The following AADAT variants were observed in gnomAD, a reference collection of about 807,000 sequenced individuals.
AADAT encodes the protein aminoadipate aminotransferase.
Under a neutral mutation model 56.2 loss-of-function variants are expected in AADAT, and 25 were observed. The observed-to-expected ratio is 0.44, with a 90% CI of 0.32 to 0.62. AADAT has a LOEUF of 0.62. AADAT is among the 20% of genes least tolerant of loss of function. The pLI is 0.04. For missense variants in AADAT, 387 were observed against 510.5 expected, an observed-to-expected ratio of 0.76 and a Z score of 2.33; for synonymous variants, 173 against 164.7, an observed-to-expected ratio of 1.05 and a Z score of -0.39.
chr4:170,089,833 C>G lies in AADAT; in HGVS notation c.-143G>C. ...TGTCCCCCCGCTGCGTCTGGCTTCC[C>G]GCGCGCGGTGCCCGGAGAACGCCGC... is the stretch of plus-strand genomic sequence containing the variant. On this transcript the variant is annotated 5_prime_UTR_variant, in exon 1 of 13. Transcript: ENST00000337664. 1 of 810,458 alleles carries G rather than the reference C, an allele frequency of 1.2e-6. No individual in the cohort carries two copies. Among genetic ancestry groups the G allele is most frequent in the Non-Finnish European group, 2.0e-6 (1 of 504,068 alleles). The allele number at this position is 810,458 out of a possible 1,614,324, so 50.2% of individuals were successfully genotyped here.
intron 2 of AADAT, among the ~76,000 whole-genome samples, chr4:170,087,629 G>C (rs1216639919): frequency 2.0e-5 from 3 of 152,178 alleles, no homozygotes; most frequent in Admixed American, 6.5e-5. Context: ...TTGTATCATG[G>C]AATGTTTGAA....
At chr4:170,074,626 C>A (rs116476447) in intron 4 of AADAT, among the ~76,000 whole-genome samples, 1 of 151,898 alleles carries the variant, frequency 6.6e-6, no homozygotes, top group Non-Finnish European at 1.5e-5. Context: ...GGAATGGGGA[C>A]CTGTAGGCCC....
intron 11 of AADAT, 53 bp downstream of exon 11, chr4:170,064,662 TAAAG>T: frequency 7.3e-7 from 1 of 1,362,194 alleles, no homozygotes. Context: ...AGCAAAATAT[TAAAG>T]AAAAAGTATA....
intron 12 of AADAT, among the ~76,000 whole-genome samples, chr4:170,061,474 C>T (rs1731184735): frequency 6.6e-6 from 1 of 152,144 alleles, no homozygotes; most frequent in South Asian, 2.1e-4. Context: ...ACATACACAG[C>T]TTATTTTGGT....
chr4:170,091,304 TGGCGGGCCGGCACTCAGAGC>T (rs1462643474), upstream of AADAT, among the ~76,000 whole-genome samples: 4 of 151,882 alleles, frequency 2.6e-5, no homozygotes, highest in Admixed American at 1.3e-4. Flanking sequence ...GGCGTGGGCT[TGGCGGGCCGGCACTCAGAGC>T]GGCGGGCCGG....
At chr4:170,086,987 T>A in intron 3 of AADAT, 129 bp downstream of exon 3, 1 of 1,225,990 alleles carries the variant, frequency 8.2e-7, no homozygotes. Flanking sequence ...CTGTTTATAA[T>A]TCTAGGTGAA....
At chr4:170,069,851 A>G (rs1484847078) in intron 6 of AADAT, among the ~76,000 whole-genome samples, 3 of 152,154 alleles carry the variant, frequency 2.0e-5, no homozygotes, top group Non-Finnish European at 4.4e-5. Flanking sequence ...CAGTATATTT[A>G]AGGGCAAGCT....
upstream of AADAT, among the ~76,000 whole-genome samples, chr4:170,092,802 T>A (rs1451054284): frequency 6.6e-6 from 1 of 152,254 alleles, no homozygotes; most frequent in Non-Finnish European, 1.5e-5. Context: ...GTAAAAACGC[T>A]ATGAACATTG....
At chr4:170,072,223 ATGTG>A (rs960518213) in intron 5 of AADAT, among the ~76,000 whole-genome samples, 1 of 150,966 alleles carries the variant, frequency 6.6e-6, no homozygotes, top group Non-Finnish European at 1.5e-5. Flanking sequence ...GTGTGTGTGT[ATGTG>A]TGTGTGTGTA....
chr4:170,070,683 T>C (rs752849799), intron 5 of AADAT, 31 bp from the exon 6 acceptor site: 9 of 1,388,168 alleles, frequency 6.5e-6, no homozygotes, highest in African/African-American at 1.4e-5. Context: ...TGTTTATTTC[T>C]TAATCTATTT....
intron 3 of AADAT, among the ~76,000 whole-genome samples, chr4:170,084,396 G>T (rs983957706): frequency 6.6e-6 from 1 of 152,144 alleles, no homozygotes; most frequent in Non-Finnish European, 1.5e-5. Context: ...TGGATGGGGA[G>T]ATCAACGGAG....
chr4:170,060,649 C>G lies in AADAT; in HGVS notation c.*279G>C. 1 of 282,032 alleles carries G rather than the reference C, an allele frequency of 3.5e-6. No homozygotes were observed. Among genetic ancestry groups the G allele is most frequent in the Non-Finnish European group, 6.5e-6 (1 of 153,576 alleles). 17.5% of individuals were successfully genotyped at this position (282,032 alleles called of 1,614,324 possible). A position where few individuals can be genotyped will look rare whatever the true frequency, so the allele number is the denominator to read the frequency against. On this transcript the variant is annotated 3_prime_UTR_variant, in exon 13 of 13. Transcript: ENST00000337664. ...TAGGACATGTTTGAGGAAATTTAAT[C>G]TTTAAGTCTAATACCAGTGTTCATT...
intron 1 of AADAT, among the ~76,000 whole-genome samples, chr4:170,089,029 T>G (rs1353108007): frequency 2.0e-5 from 3 of 152,170 alleles, no homozygotes. Flanking sequence ...TTACCCAGTT[T>G]GTGGTATTTT....
chr4:170,060,716 G>A lies in AADAT; in HGVS notation c.*212C>T. On this transcript the variant is annotated 3_prime_UTR_variant, in exon 13 of 13. Coordinates refer to ENST00000337664, the MANE Select transcript of AADAT (RefSeq NM_016228.4). ...AGAAATTTATTGGAAAAATCCATGAGCAGCATGATTAGTTTGATTTCTTTC... is the reference window on the plus strand; with the variant it reads ...AGAAATTTATTGGAAAAATCCATGAACAGCATGATTAGTTTGATTTCTTTC... 1 of 386,236 alleles carries A rather than the reference G, an allele frequency of 2.6e-6. No homozygotes were observed. Among genetic ancestry groups the A allele is most frequent in the Non-Finnish European group, 4.6e-6 (1 of 219,176 alleles). 23.9% of individuals were successfully genotyped at this position (386,236 alleles called of 1,614,324 possible). A position where few individuals can be genotyped will look rare whatever the true frequency, so the allele number is the denominator to read the frequency against.
At chr4:170,089,969 G>A (rs1260660239), upstream of AADAT, 2 of 240,450 alleles carry the variant, frequency 8.3e-6, no homozygotes, top group East Asian at 1.7e-4. Context: ...GGCCGCCAGG[G>A]CCCAGGCCGG....
Position 170,060,880 on chromosome 4 carries a change from G to A in AADAT, c.*48C>T, listed in dbSNP as rs1293112039. ...TCCTCCCTCCTCTGCCTCCCAAAGT[G>A]CTGGGATTATAGGTGTGAGCCACCA... On this transcript the variant is annotated 3_prime_UTR_variant, in exon 13 of 13. Transcript: ENST00000337664. The A allele has an allele frequency of 6.9e-7, 1 of 1,455,428 alleles. No individual in the cohort carries two copies. The highest frequency in any genetic ancestry group is 9.2e-7 in the Non-Finnish European group (1 of 1,083,704). 90.2% of individuals were successfully genotyped at this position (1,455,428 alleles called of 1,614,324 possible). A position where few individuals can be genotyped will look rare whatever the true frequency, so the allele number is the denominator to read the frequency against.
At chr4:170,073,710 A>G (rs1345637418) in intron 4 of AADAT, among the ~76,000 whole-genome samples, 1 of 152,092 alleles carries the variant, frequency 6.6e-6, no homozygotes, top group East Asian at 1.9e-4. Context: ...CATGTTAGCC[A>G]GGATGGTCTG....
At position 170,064,118 on chromosome 4, in the gene AADAT, C is replaced by T. The variant is rs568481617; in HGVS notation, c.1134+601G>A. On this transcript the variant is annotated intron_variant, in intron 11 of 12. Transcript: ENST00000337664. ...CAAGGAACTATACTATAAATGGTCA[C>T]AAAATCTGGGTAGTAAAATCATGGG... Among the ~76,000 whole-genome samples, 14 of 152,232 alleles carry T rather than the reference C, an allele frequency of 9.2e-5. No individual in the cohort carries two copies. The East Asian group carries it at 2.7e-3, about 29-fold the overall frequency.
At chr4:170,086,992 G>T in intron 3 of AADAT, 124 bp downstream of exon 3, 5 of 1,265,478 alleles carry the variant, frequency 4.0e-6, no homozygotes, top group East Asian at 2.8e-5. Context: ...TATAATTCTA[G>T]GTGAAGACAA....
Sources: gnomAD v4.1 joint callset for allele counts (sites outside exome capture counted in the v4.1 genomes callset) on GRCh38, gnomAD v4.1.1 for gene constraint, MANE v1.5 for transcripts, NCBI Gene and HGNC (gene_info 2026-07-23, HGNC 2026-07-21) for gene names.